The following RBMS1 variants were observed in gnomAD, a reference collection of about 807,000 sequenced individuals.
RBMS1 encodes the protein RNA binding motif single stranded interacting protein 1.
A neutral mutation model predicts 62.3 loss-of-function variants in RBMS1; 17 were observed. The observed-to-expected ratio is 0.27, with a 90% confidence interval of 0.19 to 0.41. The LOEUF (loss-of-function observed/expected upper bound fraction) is 0.41. Ranked by LOEUF, RBMS1 falls within the 10% of genes least tolerant of loss-of-function variation. The pLI is 1.00. For missense variants in RBMS1, 334 were observed against 504.5 expected (o/e 0.66, Z 3.24); for synonymous variants, 172 against 170.0 (o/e 1.01, Z -0.09).
intron 1 of RBMS1, chr2:160,407,999 C>G (rs1257608442): frequency 1.3e-5 from 11 of 842,800 alleles, no homozygotes; most frequent in Non-Finnish European, 1.6e-5. Flanking sequence ...CTGGGCGCGG[C>G]GCCTGCCGCC....
intron 1 of RBMS1, among the ~76,000 whole-genome samples, chr2:160,474,645 A>G (rs1046421866): frequency 6.6e-6 from 1 of 152,208 alleles, no homozygotes; most frequent in African/African-American, 2.4e-5. Context: ...ACAATAAACA[A>G]AACAAAACTT....
intron 3 of RBMS1, among the ~76,000 whole-genome samples, chr2:160,317,153 G>C (rs1324264130): frequency 6.6e-6 from 1 of 152,068 alleles, no homozygotes; most frequent in Non-Finnish European, 1.5e-5. Context: ...TTTAAATTTA[G>C]GCACTTTGAA....
At chr2:160,294,455 A>G (rs1688835203) in intron 6 of RBMS1, among the ~76,000 whole-genome samples, 1 of 152,132 alleles carries the variant, frequency 6.6e-6, no homozygotes, top group African/African-American at 2.4e-5. Flanking sequence ...TCGGGTATGG[A>G]AAGAATATGG....
intron 2 of RBMS1, among the ~76,000 whole-genome samples, chr2:160,351,632 T>C (rs989440127): frequency 3.3e-5 from 5 of 152,118 alleles, no homozygotes; most frequent in Non-Finnish European, 7.4e-5. Context: ...AATCATGATT[T>C]TGAGTATTTG....
rs187796847 is a variant in RBMS1 at position 160,282,121 on chromosome 2, A to G, written c.901-757T>C. The G allele has an allele frequency of 7.8e-6, 6 of 769,900 alleles. No individual in the cohort carries two copies. The East Asian group carries it at 2.7e-4, about 34-fold the overall frequency. 47.7% of individuals were successfully genotyped at this position (769,900 alleles called of 1,614,324 possible). A position where few individuals can be genotyped will look rare whatever the true frequency, so the allele number is the denominator to read the frequency against. On this transcript the variant is annotated intron_variant, in intron 9 of 13. Coordinates refer to ENST00000348849, the MANE Select transcript of RBMS1 (RefSeq NM_016836.4). The stretch of plus-strand genomic sequence containing the variant: ...GATGCCCAGAGCTTTCCAGAGTCTA[A>G]GTAATTTTATTAAGTTTCAGTTTCC...
chr2:160,318,642 A>C (rs980307966), intron 2 of RBMS1, among the ~76,000 whole-genome samples: 1 of 152,244 alleles, frequency 6.6e-6, no homozygotes, highest in Non-Finnish European at 1.5e-5. Flanking sequence ...GCTTTTATGA[A>C]ATAGTAACAG....
At chr2:160,330,625 T>C (rs1691214879) in intron 2 of RBMS1, among the ~76,000 whole-genome samples, 1 of 152,088 alleles carries the variant, frequency 6.6e-6, no homozygotes, top group South Asian at 2.1e-4. Flanking sequence ...TATGTTTTTT[T>C]TTTTTGTTTG....
intron 13 of RBMS1, 200 bp downstream of exon 13, chr2:160,275,430 C>T: frequency 9.9e-7 from 1 of 1,008,232 alleles, no homozygotes; most frequent in Non-Finnish European, 1.3e-6. Context: ...CAGTATAAAG[C>T]ATTCTCTTTA....
intron 9 of RBMS1, chr2:160,284,480 A>T: frequency 2.6e-6 from 1 of 391,756 alleles, no homozygotes; most frequent in South Asian, 2.5e-5. Flanking sequence ...TTTTTGGGAC[A>T]CATGGTGTCC....
chr2:160,277,683 T>A (rs1449946957), intron 11 of RBMS1: 2 of 275,352 alleles, frequency 7.3e-6, no homozygotes, highest in Non-Finnish European at 1.4e-5. Context: ...AATAATTCAG[T>A]ATCACTAATG....
chr2:160,286,343 GGAGTC>G (rs1688394634), intron 7 of RBMS1, among the ~76,000 whole-genome samples: 1 of 127,242 alleles, frequency 7.9e-6, no homozygotes, highest in Non-Finnish European at 1.6e-5. Context: ...TTTTTGAGAT[GGAGTC>G]TCGCTCTGTT....
At chr2:160,377,916 C>T (rs1475418093) in intron 1 of RBMS1, among the ~76,000 whole-genome samples, 1 of 152,182 alleles carries the variant, frequency 6.6e-6, no homozygotes, top group Non-Finnish European at 1.5e-5. Flanking sequence ...CATAAAGCAC[C>T]AGTCCTTGTT....
intron 2 of RBMS1, among the ~76,000 whole-genome samples, chr2:160,341,580 G>A (rs1691877352): frequency 6.6e-6 from 1 of 152,058 alleles, no homozygotes; most frequent in African/African-American, 2.4e-5. Context: ...AATCAGAACT[G>A]AAAAAACAAA....
intron 2 of RBMS1, among the ~76,000 whole-genome samples, chr2:160,329,596 T>C (rs982152307): frequency 1.3e-5 from 2 of 152,042 alleles, no homozygotes; most frequent in African/African-American, 4.8e-5. Flanking sequence ...CACGTAACTA[T>C]AAAGAGCACC....
intron 1 of RBMS1, among the ~76,000 whole-genome samples, chr2:160,439,031 T>G (rs10171722): frequency 0.51 from 71,951 of 140,376 alleles, 19,679 homozygotes; most frequent in Admixed American, 0.64. Context: ...CCCCCCAATC[T>G]CCCTCCTGGA....
Position 160,375,434 on chromosome 2 carries a change from A to C in RBMS1, c.76-8043T>G, listed in dbSNP as rs536778682. ...TAAAGGAACAAATGTAAAACAAAAA[A>C]CAATCTTAAAGAGCTCCTGAAACCA... On this transcript the variant is annotated intron_variant, in intron 1 of 13. Transcript: ENST00000348849. Among the ~76,000 whole-genome samples, 147 of 152,342 alleles carry C rather than the reference A, an allele frequency of 9.6e-4. 2 individuals are homozygous for C. The highest frequency in any genetic ancestry group is 1.3e-4 in the Non-Finnish European group (9 of 68,038).
At chr2:160,428,102 AT>A (rs1682721067) in intron 1 of RBMS1, among the ~76,000 whole-genome samples, 1 of 152,066 alleles carries the variant, frequency 6.6e-6, no homozygotes, top group Non-Finnish European at 1.5e-5. Context: ...TGGAGCCTAC[AT>A]ATTTTAATCA....
intron 6 of RBMS1, among the ~76,000 whole-genome samples, chr2:160,296,124 C>T (rs771654454): frequency 1.3e-5 from 2 of 152,116 alleles, no homozygotes; most frequent in Admixed American, 6.5e-5. Context: ...AAGACTCCCA[C>T]GTACAAAATT....
chr2:160,286,998 G>C lies in RBMS1; in HGVS notation c.727C>G (p.Pro243Ala), dbSNP rs745875781. 6.2e-7 allele frequency: 1 copy of C among 1,612,676 alleles called. No individual in the cohort carries two copies. ...CTCACCTCTCCTTCTCTATGCCATG[G>C]TCTTCCATTAGGGATGTATTTGTTT... Reference protein sequence around the residue: ...NPNKYIPNGRPWHREGEVRLA... With the variant: ...NPNKYIPNGRAWHREGEVRLA... The change falls in exon 7 of 14, where the codon CCA (proline) becomes GCA (alanine). Residue 243 changes from proline to alanine, a missense_variant. By Grantham distance (27) the Pro-to-Ala change is conservative. Coordinates refer to ENST00000348849, the MANE Select transcript of RBMS1 (RefSeq NM_016836.4).
Sources: allele counts gnomAD v4.1 joint callset (sites outside exome capture counted in the v4.1 genomes callset), GRCh38; gene constraint gnomAD v4.1.1; transcripts MANE v1.5; gene names NCBI Gene and HGNC (gene_info 2026-07-23, HGNC 2026-07-21).